Variants in SAMMSON observed in about 807,000 individuals in gnomAD.
The protein encoded by SAMMSON is survival associated mitochondrial melanoma specific oncogenic non-coding RNA.
intron 6 of SAMMSON, among the ~76,000 whole-genome samples, chr3:70,260,566 G>C (rs182529196): frequency 6.6e-6 from 1 of 151,928 alleles, no homozygotes; most frequent in Non-Finnish European, 1.5e-5. Context: ...ATGGGAGGAA[G>C]GGAAGGTCTG....
chr3:70,029,166 A>G (rs964879975), intron 3 of SAMMSON, among the ~76,000 whole-genome samples: 5 of 152,162 alleles, frequency 3.3e-5, no homozygotes, highest in African/African-American at 9.7e-5. Context: ...AAATAATTTC[A>G]TTGCCCAGTG....
intron 1 of SAMMSON, among the ~76,000 whole-genome samples, chr3:70,011,636 T>G (rs1009563621): frequency 6.6e-6 from 1 of 150,432 alleles, no homozygotes; most frequent in Non-Finnish European, 1.5e-5. Flanking sequence ...GGAAGTGAAG[T>G]CAATTGGTTA....
chr3:70,242,215 A>G (rs1455549186), intron 4 of SAMMSON, among the ~76,000 whole-genome samples: 1 of 152,176 alleles, frequency 6.6e-6, no homozygotes, highest in Admixed American at 6.5e-5. Flanking sequence ...CCTTTTTTAT[A>G]TGACACATCA....
At chr3:70,040,459 G>A (rs981350074) in intron 3 of SAMMSON, among the ~76,000 whole-genome samples, 6 of 152,136 alleles carry the variant, frequency 3.9e-5, no homozygotes, top group African/African-American at 1.4e-4. Context: ...AGTAAAGACT[G>A]GTCATCATTC....
intron 3 of SAMMSON, among the ~76,000 whole-genome samples, chr3:70,022,938 G>T (rs2067021632): frequency 6.6e-6 from 1 of 152,178 alleles, no homozygotes; most frequent in African/African-American, 2.4e-5. Flanking sequence ...TGAAGAAAAA[G>T]TTGGGTTGGT....
chr3:70,311,610 A>G (rs551983345), intron 7 of SAMMSON, among the ~76,000 whole-genome samples: 37 of 152,228 alleles, frequency 2.4e-4, no homozygotes, highest in Non-Finnish European at 4.9e-4. Context: ...CTCACAGATA[A>G]TATAAGTCTG....
chr3:70,003,676 G>T (rs1285139463), intron 1 of SAMMSON, among the ~76,000 whole-genome samples: 1 of 151,114 alleles, frequency 6.6e-6, no homozygotes, highest in Admixed American at 6.6e-5. Context: ...TTATTGTTTT[G>T]TACATTCAGT....
Position 70,419,839 on chromosome 3 carries a change from C to T in SAMMSON, n.234-42721C>T, listed in dbSNP as rs147028290. ...ATTTTCAGTAGAGATGGGGTTTCACCGTGTTAGCCAGGATGGTCTCGATCT... is the reference window on the plus strand; with the variant it reads ...ATTTTCAGTAGAGATGGGGTTTCACTGTGTTAGCCAGGATGGTCTCGATCT... On this transcript the variant is annotated intron_variant and non_coding_transcript_variant, in intron 2 of 3. Coordinates refer to the SAMMSON transcript ENST00000641053. 2.9e-3 allele frequency among the ~76,000 whole-genome samples: 436 copies of T among 152,204 alleles called. 4 individuals are homozygous for T. The highest frequency in any genetic ancestry group is 9.8e-3 in the African/African-American group (407 of 41,518).
intron 3 of SAMMSON, among the ~76,000 whole-genome samples, chr3:70,049,139 G>T (rs1343742954): frequency 2.0e-5 from 3 of 152,106 alleles, no homozygotes; most frequent in Non-Finnish European, 4.4e-5. Context: ...TACCTACCAG[G>T]TAGTGGGTAC....
intron 2 of SAMMSON, among the ~76,000 whole-genome samples, chr3:70,397,406 G>C (rs955170357): frequency 1.3e-5 from 2 of 152,022 alleles, no homozygotes; most frequent in Non-Finnish European, 2.9e-5. Context: ...CCAGGCCCAG[G>C]TGATCCTTCC....
intron 4 of SAMMSON, among the ~76,000 whole-genome samples, chr3:70,164,632 A>G (rs4974257): frequency 0.99 from 150,924 of 152,066 alleles, 74,902 homozygotes; most frequent in South Asian, 1. Context: ...CGTGAGCTCC[A>G]TAGCCAGACC....
intron 2 of SAMMSON, among the ~76,000 whole-genome samples, chr3:70,415,712 T>C (rs1205465943): frequency 6.6e-6 from 1 of 152,204 alleles, no homozygotes; most frequent in Admixed American, 6.5e-5. Context: ...TAGATGCTCC[T>C]TTTGAGATAT....
At chr3:70,224,745 C>T (rs1169292502) in intron 4 of SAMMSON, among the ~76,000 whole-genome samples, 1 of 151,862 alleles carries the variant, frequency 6.6e-6, no homozygotes, top group Non-Finnish European at 1.5e-5. Context: ...TTAACCATTG[C>T]GCTCGGCAAA....
At chr3:70,361,967 C>T (rs1464694304) in intron 9 of SAMMSON, among the ~76,000 whole-genome samples, 1 of 152,070 alleles carries the variant, frequency 6.6e-6, no homozygotes, top group East Asian at 1.9e-4. Flanking sequence ...TAAATAGATC[C>T]ATGTAATTAT....
rs1474380015 is a variant in SAMMSON, at chr3:70,028,110, T to TTCCTTCCTTCCTTCCC, written n.417+14441_417+14442insTTCCTTCCTTCCCTCC. On this transcript the variant is annotated intron_variant and non_coding_transcript_variant, in intron 3 of 9. Transcript: ENST00000642114. Reference sequence around the variant, plus strand: ...TTTCCTTCCTTCCTTCCTTCCTTCCTTCCCTTCCTTCCTTCCGTCCCTTCC... The same window carrying TTCCTTCCTTCCTTCCC: ...TTTCCTTCCTTCCTTCCTTCCTTCCTTCCTTCCTTCCTTCCCTCCCTTCCTTCCTTCCGTCCCTTCC... Among the ~76,000 whole-genome samples, 582 of 145,176 alleles carry TTCCTTCCTTCCTTCCC rather than the reference T, an allele frequency of 4.0e-3. 8 individuals carry two copies. Among genetic ancestry groups the TTCCTTCCTTCCTTCCC allele is most frequent in the African/African-American group, 0.014 (511 of 37,310 alleles).
At chr3:70,126,013 A>C in intron 4 of SAMMSON, 1 of 857,550 alleles carries the variant, frequency 1.2e-6, no homozygotes, top group Non-Finnish European at 1.9e-6. Flanking sequence ...CTGCGCAGTA[A>C]TTGATCTAAA....
intron 1 of SAMMSON, among the ~76,000 whole-genome samples, chr3:70,003,591 A>C (rs79354864): frequency 6.6e-6 from 1 of 151,790 alleles, no homozygotes; most frequent in Non-Finnish European, 1.5e-5. Flanking sequence ...CTTTAATGCT[A>C]TTTATTCTCT....
intron 4 of SAMMSON, among the ~76,000 whole-genome samples, chr3:70,213,972 A>T (rs1436995576): frequency 2.6e-5 from 4 of 152,108 alleles, no homozygotes; most frequent in Non-Finnish European, 2.9e-5. Context: ...ATACCCAAAG[A>T]AGCTATGTTT....
At chr3:70,043,121 T>G (rs2067111841) in intron 3 of SAMMSON, among the ~76,000 whole-genome samples, 1 of 152,086 alleles carries the variant, frequency 6.6e-6, no homozygotes, top group Admixed American at 6.6e-5. Flanking sequence ...AGTAATGAGT[T>G]TTGATCATAT....
Sources: allele counts gnomAD v4.1 joint callset (sites outside exome capture counted in the v4.1 genomes callset), GRCh38; gene constraint gnomAD v4.1.1; transcripts MANE v1.5; gene names NCBI Gene and HGNC (gene_info 2026-07-23, HGNC 2026-07-21).